The following G3BP2 variants were observed in gnomAD, a reference collection of about 807,000 sequenced individuals.
The protein encoded by G3BP2 is ras GTPase-activating protein-binding protein 2.
In G3BP2, 11 loss-of-function variants were observed where a neutral mutation model predicts 56.7. The observed-to-expected ratio is 0.19, with a 90% CI of 0.12 to 0.32. The LOEUF (loss-of-function observed/expected upper bound fraction) is 0.32. G3BP2 is among the 10% of genes least tolerant of loss of function. G3BP2 has a pLI of 1.00. For missense variants in G3BP2, 340 were observed against 610.9 expected (o/e 0.56, Z 4.67); for synonymous variants, 165 against 191.6 (o/e 0.86, Z 1.15).
In G3BP2 at chr4:75,673,251, A is replaced by T; in HGVS notation, c.-68T>A. 1.6e-6 allele frequency: 2 copies of T among 1,221,000 alleles called. No individual in the cohort carries two copies. The highest frequency in any genetic ancestry group is 2.0e-6 in the Non-Finnish European group (2 of 981,284). The allele number at this position is 1,221,000 out of a possible 1,614,324, so 75.6% of individuals were successfully genotyped here. On this transcript the variant is annotated 5_prime_UTR_variant, in exon 1 of 12. Transcript: ENST00000359707. ...GCGGGTACGTCGCGCGGAGGTCAGA[A>T]GAGTCGCTGAGGACCGGGTGCGGCG...
intron 3 of G3BP2, among the ~76,000 whole-genome samples, chr4:75,658,559 C>T (rs1578393529): frequency 6.6e-6 from 1 of 151,798 alleles, no homozygotes; most frequent in African/African-American, 2.4e-5. Flanking sequence ...GAAACCCCGT[C>T]TCTACTAAAA....
rs1407796133 is a variant in G3BP2 at position 75,664,073 on chromosome 4, G to A, written c.-24-2024C>T. 5.3e-5 allele frequency among the ~76,000 whole-genome samples: 8 copies of A among 151,096 alleles called. No homozygotes were observed. In the East Asian group the frequency reaches 1.3e-3, roughly 24 times the overall value. On this transcript the variant is annotated intron_variant, in intron 1 of 11. Transcript: ENST00000359707. ...TAATTTTTGTATTATTAGTAGAGACGGGGTTTCACCATGTTAGCCAGACTG... is the reference window on the plus strand; with the variant it reads ...TAATTTTTGTATTATTAGTAGAGACAGGGTTTCACCATGTTAGCCAGACTG...
intron 3 of G3BP2, among the ~76,000 whole-genome samples, chr4:75,693,926 A>G (rs1718987424): frequency 6.6e-6 from 1 of 151,756 alleles, no homozygotes; most frequent in Admixed American, 6.6e-5. Flanking sequence ...ATTTTTGTAC[A>G]GATGGGGTCT....
upstream of G3BP2, chr4:75,673,724 G>A (rs1050208711): frequency 2.5e-6 from 2 of 796,120 alleles, no homozygotes; most frequent in Non-Finnish European, 3.4e-6. Context: ...GCGAGAGCTG[G>A]TTCGCAGCAA....
chr4:75,655,035 G>A (rs1178024621), intron 7 of G3BP2, 31 bp downstream of exon 7: 13 of 1,484,978 alleles, frequency 8.8e-6, no homozygotes, highest in Admixed American at 2.1e-5. Flanking sequence ...AACATGTGAT[G>A]TTGTAAGTCT....
upstream of G3BP2, chr4:75,673,575 C>T: frequency 8.1e-7 from 1 of 1,232,014 alleles, no homozygotes; most frequent in Non-Finnish European, 1.0e-6. Flanking sequence ...CGCGCTCGCA[C>T]ACGCTCGCGC....
chr4:75,713,178 C>G (rs1157934332), intron 3 of G3BP2, among the ~76,000 whole-genome samples: 1 of 152,036 alleles, frequency 6.6e-6, no homozygotes, highest in Non-Finnish European at 1.5e-5. Flanking sequence ...CAAAACAAAA[C>G]AAGAAAATAA....
At chr4:75,680,500 A>G (rs1734029826) in intron 3 of G3BP2, among the ~76,000 whole-genome samples, 1 of 152,182 alleles carries the variant, frequency 6.6e-6, no homozygotes, top group Non-Finnish European at 1.5e-5. Flanking sequence ...ACTTTCTGGC[A>G]AAGTGTGTAT....
At position 75,644,120 on chromosome 4, in the gene G3BP2, T is replaced by G. The variant is rs888263333; in HGVS notation, c.*1310A>C. 22 of 152,668 alleles carry G rather than the reference T, an allele frequency of 1.4e-4. No homozygotes were observed. Among genetic ancestry groups the G allele is most frequent in the African/African-American group, 5.1e-4 (21 of 41,452 alleles). 9.5% of individuals were successfully genotyped at this position (152,668 alleles called of 1,614,324 possible). ...CTGTTCTTTTCTCCGAAAATTGCAG[T>G]ATCCTCACTTCAGGCTTACTTGCCA... On this transcript the variant is annotated 3_prime_UTR_variant, in exon 12 of 12. Coordinates refer to ENST00000359707, the MANE Select transcript of G3BP2 (RefSeq NM_203505.3).
At position 75,645,697 on chromosome 4, in the gene G3BP2, A is replaced by G; in HGVS notation, c.1182T>C (p.Ile394=). 6.2e-7 allele frequency: 1 copy of G among 1,613,422 alleles called. No individual in the cohort carries two copies. Among genetic ancestry groups the G allele is most frequent in the Non-Finnish European group, 8.5e-7 (1 of 1,179,694 alleles). ...PVQRILIAKP[I]MFRGEVRLNV... ...TTAAACGTACTTCCCCTCGAAACAT[A>G]ATCGGCTTTATAAAAGAGAAGAAAA... is the stretch of plus-strand genomic sequence containing the variant. Residue 394 remains isoleucine, a synonymous_variant, in exon 12 of 12, where the codon ATT becomes ATC. Coordinates refer to ENST00000359707, the MANE Select transcript of G3BP2 (RefSeq NM_203505.3).
At chr4:75,673,653 C>T, upstream of G3BP2, 2 of 1,228,480 alleles carry the variant, frequency 1.6e-6, no homozygotes, top group Non-Finnish European at 2.0e-6. Context: ...ACGTCACAAG[C>T]AGGCTGCCTT....
intron 3 of G3BP2, among the ~76,000 whole-genome samples, chr4:75,692,373 G>GTGA (rs946088368): frequency 2.0e-4 from 30 of 152,084 alleles, no homozygotes; most frequent in Non-Finnish European, 2.4e-4. Context: ...GTGCAGTGGT[G>GTGA]TGATCTTGTC....
chr4:75,716,861 A>C (rs750879274), intron 3 of G3BP2, among the ~76,000 whole-genome samples: 19 of 152,164 alleles, frequency 1.2e-4, no homozygotes, highest in Non-Finnish European at 2.5e-4. Context: ...TGTTTGTGCG[A>C]TCCTGTAAGG....
chr4:75,646,993 A>T, intron 10 of G3BP2, 36 bp downstream of exon 10: 1 of 1,382,434 alleles, frequency 7.2e-7, no homozygotes, highest in Non-Finnish European at 9.9e-7. Flanking sequence ...AATTTAAAAT[A>T]ATTTAAAAAC....
At chr4:75,694,995 C>A (rs530945730) in intron 3 of G3BP2, 151 of 930,632 alleles carry the variant, frequency 1.6e-4, no homozygotes, top group Non-Finnish European at 1.6e-4. Context: ...CGATGAATAT[C>A]CGGGAGAATG....
chr4:75,714,179 T>C (rs1448886587), intron 3 of G3BP2, among the ~76,000 whole-genome samples: 3 of 152,238 alleles, frequency 2.0e-5, no homozygotes, highest in Non-Finnish European at 4.4e-5. Context: ...ATAATGGCAA[T>C]GTATCAGTGT....
At chr4:75,702,744 G>A (rs1384832933) in intron 3 of G3BP2, among the ~76,000 whole-genome samples, 5 of 152,206 alleles carry the variant, frequency 3.3e-5, no homozygotes, top group Non-Finnish European at 7.3e-5. Flanking sequence ...TTGGAAATAA[G>A]AAAGGCATCA....
chr4:75,649,985 T>C (rs1007988886), intron 8 of G3BP2, among the ~76,000 whole-genome samples: 1 of 151,992 alleles, frequency 6.6e-6, no homozygotes, highest in African/African-American at 2.4e-5. Flanking sequence ...CACTCCAGCC[T>C]GGGCAACAAG....
Position 75,717,255 on chromosome 4 carries a change from G to T in G3BP2, c.-25+3622C>A, listed in dbSNP as rs182334725. Among the ~76,000 whole-genome samples the T allele has an allele frequency of 6.6e-4, 101 of 152,180 alleles. 1 individual carries two copies. The highest frequency in any genetic ancestry group is 2.3e-3 in the African/African-American group (95 of 41,528). On this transcript the variant is annotated intron_variant, in intron 3 of 3. Coordinates refer to the G3BP2 transcript ENST00000499709. ...GTTTGAGAGCAGCCTGGGCAAGACG[G>T]TGAAACCCCATCTCTACAATAAAAT...
Sources: allele counts gnomAD v4.1 joint callset (sites outside exome capture counted in the v4.1 genomes callset), GRCh38; gene constraint gnomAD v4.1.1; transcripts MANE v1.5; gene names NCBI Gene and HGNC (gene_info 2026-07-23, HGNC 2026-07-21).